RASAL2: variants seen among roughly 807,000 people sequenced by gnomAD.
RASAL2 encodes the protein RAS protein activator like 2, also known as ras GTPase-activating protein nGAP.
RASAL2 carries 58 observed loss-of-function variants against 128.9 expected under a neutral mutation model. The ratio of observed to expected loss-of-function variants is 0.45; its 90% CI spans 0.36 to 0.56. The LOEUF (loss-of-function observed/expected upper bound fraction) is 0.56, where lower values mean the gene tolerates loss of function less well. RASAL2 is among the 20% of genes least tolerant of loss of function. RASAL2 has a pLI of 0.00. For missense variants in RASAL2, 1,360 were observed against 1,601.6 expected (o/e 0.85, Z 2.57); for synonymous variants, 561 against 580.8 (o/e 0.97, Z 0.49).
chr1:178,362,627 C>T (rs566762494), intron 3 of RASAL2, among the ~76,000 whole-genome samples: 47 of 152,144 alleles, frequency 3.1e-4, no homozygotes, highest in African/African-American at 9.9e-4. Flanking sequence ...ACCCTTTGAC[C>T]TAATTCTTCC....
chr1:178,188,024 C>T lies in RASAL2; in HGVS notation c.202+93330C>T, dbSNP rs959577587. 5.3e-5 allele frequency among the ~76,000 whole-genome samples: 8 copies of T among 152,134 alleles called. No individual in the cohort carries two copies. In the East Asian group the frequency reaches 1.3e-3, roughly 26 times the overall value. On this transcript the variant is annotated intron_variant, in intron 1 of 17. Transcript: ENST00000367649. ...CTCTGGGTATTCAACAAAGTCTCTTCCTCTTTGACTTGAAGGATCCCAAAT... is the reference window on the plus strand; with the variant it reads ...CTCTGGGTATTCAACAAAGTCTCTTTCTCTTTGACTTGAAGGATCCCAAAT...
chr1:178,154,886 C>T (rs920172695), intron 1 of RASAL2, among the ~76,000 whole-genome samples: 9 of 152,084 alleles, frequency 5.9e-5, no homozygotes, highest in Admixed American at 4.6e-4. Flanking sequence ...TGCAAGGGTG[C>T]CATCTCAGCT....
chr1:178,462,270 A>G (rs1232957143), intron 14 of RASAL2, among the ~76,000 whole-genome samples: 2 of 152,188 alleles, frequency 1.3e-5, no homozygotes, highest in Non-Finnish European at 2.9e-5. Context: ...GGATTAGGGG[A>G]AAAACATAGA....
intron 5 of RASAL2, among the ~76,000 whole-genome samples, chr1:178,427,540 C>T (rs1043512486): frequency 6.6e-6 from 1 of 152,110 alleles, no homozygotes; most frequent in African/African-American, 2.4e-5. Context: ...AATTATGGAA[C>T]AATATTCTCA....
At chr1:178,125,719 TTTAG>T (rs143552427) in intron 1 of RASAL2, among the ~76,000 whole-genome samples, 4,483 of 152,202 alleles carry the variant, frequency 0.029, 91 homozygotes, top group East Asian at 0.088. Flanking sequence ...GAATAATTTG[TTTAG>T]TTAGTTATTT....
chr1:178,383,243 G>A (rs544470879), intron 3 of RASAL2, among the ~76,000 whole-genome samples: 30 of 152,254 alleles, frequency 2.0e-4, no homozygotes, highest in Non-Finnish European at 3.2e-4. Context: ...AGGACTACTT[G>A]TTTGAGTGAA....
chr1:178,163,412 T>C (rs2101898805), intron 1 of RASAL2, among the ~76,000 whole-genome samples: 1 of 152,356 alleles, frequency 6.6e-6, no homozygotes, highest in East Asian at 1.9e-4. Flanking sequence ...GCTTATGTTT[T>C]CTTCTAAGAG....
intron 5 of RASAL2, among the ~76,000 whole-genome samples, chr1:178,434,121 G>GT (rs1055801301): frequency 1.3e-5 from 2 of 152,006 alleles, no homozygotes; most frequent in Non-Finnish European, 2.9e-5. Flanking sequence ...TTTAGTTTCT[G>GT]TTTTTTAAAA....
At position 178,407,936 on chromosome 1, in the gene RASAL2, A is replaced by G. The variant is rs532009202; in HGVS notation, c.565-12575A>G. ...AGTTCAGTCTTCAGGGAATACTCCA[A>G]TTTGCAGGTGGCCAACAACTTTAGT... On this transcript the variant is annotated intron_variant, in intron 4 of 17. Coordinates refer to ENST00000367649, the MANE Select transcript of RASAL2 (RefSeq NM_170692.4). 5.3e-5 allele frequency among the ~76,000 whole-genome samples: 8 copies of G among 152,294 alleles called. 1 individual carries two copies. The South Asian group carries it at 6.2e-4, about 12-fold the overall frequency.
At chr1:178,290,500 CAA>C (rs2102237616) in intron 2 of RASAL2, among the ~76,000 whole-genome samples, 1 of 152,144 alleles carries the variant, frequency 6.6e-6, no homozygotes, top group African/African-American at 2.4e-5. Context: ...ATTGTGGACA[CAA>C]AGATGCAGTT....
chr1:178,323,714 T>C (rs1453044508), intron 3 of RASAL2, among the ~76,000 whole-genome samples: 4 of 152,212 alleles, frequency 2.6e-5, no homozygotes, highest in Non-Finnish European at 5.9e-5. Context: ...TAAATCACTT[T>C]TATTAATTTC....
At chr1:178,415,327 A>ATGTGTTGTTCAGAAG (rs1177993216) in intron 4 of RASAL2, among the ~76,000 whole-genome samples, 5 of 151,988 alleles carry the variant, frequency 3.3e-5, no homozygotes, top group African/African-American at 4.8e-5. Flanking sequence ...TCTTTGATCC[A>ATGTGTTGTTCAGAAG]TGTGTTGTTC....
In RASAL2 at chr1:178,249,271, C is replaced by T. The variant is rs571007401; in HGVS notation, c.203-34293C>T. The stretch of plus-strand genomic sequence containing the variant: ...TCTTTTTTCTCTAATCTTGTCTTCA[C>T]GTGTTATTTCATTAAGTTGTTCTTC... On this transcript the variant is annotated intron_variant, in intron 1 of 17. Coordinates refer to ENST00000367649, the MANE Select transcript of RASAL2 (RefSeq NM_170692.4). 1.5e-4 allele frequency among the ~76,000 whole-genome samples: 23 copies of T among 151,862 alleles called. No individual in the cohort carries two copies. In the South Asian group the frequency reaches 4.6e-3, roughly 30 times the overall value.
chr1:178,384,243 A>ATATT (rs888122662), intron 3 of RASAL2, among the ~76,000 whole-genome samples: 4 of 152,176 alleles, frequency 2.6e-5, no homozygotes, highest in Non-Finnish European at 4.4e-5. Context: ...GTGACATGTA[A>ATATT]TATTTTTCTG....
chr1:178,410,473 C>T (rs555028672), intron 4 of RASAL2, among the ~76,000 whole-genome samples: 226 of 152,128 alleles, frequency 1.5e-3, no homozygotes, highest in African/African-American at 5.2e-3. Context: ...GCAAAGACTT[C>T]GTGATCAAGA....
chr1:178,205,350 G>C (rs28760457), intron 1 of RASAL2, among the ~76,000 whole-genome samples: 39,891 of 152,020 alleles, frequency 0.26, 5,949 homozygotes, highest in African/African-American at 0.42. Flanking sequence ...GAATTAACAG[G>C]CTATACCAGA....
chr1:178,122,235 A>G (rs183347159), intron 1 of RASAL2, among the ~76,000 whole-genome samples: 1 of 152,338 alleles, frequency 6.6e-6, no homozygotes, highest in East Asian at 1.9e-4. Flanking sequence ...TGAAATGTAA[A>G]AACATCAGTG....
chr1:178,409,123 G>C (rs1422821765), intron 4 of RASAL2, among the ~76,000 whole-genome samples: 1 of 152,148 alleles, frequency 6.6e-6, no homozygotes, highest in Non-Finnish European at 1.5e-5. Context: ...TTTAGGCCAT[G>C]GGAGGTGGTT....
chr1:178,243,904 C>T (rs1558136977), intron 1 of RASAL2, among the ~76,000 whole-genome samples: 1 of 152,116 alleles, frequency 6.6e-6, no homozygotes, highest in African/African-American at 2.4e-5. Context: ...TTTTCTTAAT[C>T]TTTTGTTATT....
Sources: allele counts gnomAD v4.1 joint callset (sites outside exome capture counted in the v4.1 genomes callset), GRCh38; gene constraint gnomAD v4.1.1; transcripts MANE v1.5; gene names NCBI Gene and HGNC (gene_info 2026-07-23, HGNC 2026-07-21).